NOMO1: variants seen among roughly 807,000 people sequenced by gnomAD.
NOMO1 encodes the protein nodal modulator 3.
A neutral mutation model predicts 133.8 loss-of-function variants in NOMO1; 40 were observed. The observed-to-expected ratio is 0.30, with a 90% CI of 0.23 to 0.39. The LOEUF is 0.39. Ranked by LOEUF, NOMO1 falls within the 10% of genes least tolerant of loss-of-function variation. NOMO1 has a pLI of 1.00. For missense variants in NOMO1, 462 were observed against 1,419.9 expected (o/e 0.33, Z 10.84); for synonymous variants, 236 against 570.5 (o/e 0.41, Z 8.36).
rs528598451 is a variant in NOMO1, at chr16:14,859,091, C to G, written c.1220+1436C>G. Among the ~76,000 whole-genome samples the G allele has an allele frequency of 1.8e-4, 28 of 152,018 alleles. 1 individual carries two copies. The South Asian group carries it at 3.7e-3, about 20-fold the overall frequency. On this transcript the variant is annotated intron_variant, in intron 11 of 30. Coordinates refer to ENST00000287667, the MANE Select transcript of NOMO1 (RefSeq NM_014287.4). ...AGCCAGGACCTCAAATATGTATGTG[C>G]AAGTAGAATTAGAAGAACAGTAGGC...
rs565062249 is a variant in NOMO1 at position 14,866,931 on chromosome 16, C to T, written c.1806+240C>T. Among the ~76,000 whole-genome samples the T allele has an allele frequency of 5.0e-3, 740 of 148,822 alleles. 10 individuals carry two copies. Among genetic ancestry groups the T allele is most frequent in the African/African-American group, 0.017 (664 of 39,170 alleles). On this transcript the variant is annotated intron_variant, in intron 15 of 30. Transcript: ENST00000287667. ...CCTACACTAAATCTGACTGGTGATT[C>T]GGGGTGACCTTTGGTACAGTGCAGA...
At chr16:14,842,081 T>C (rs1175597525) in intron 3 of NOMO1, among the ~76,000 whole-genome samples, 10 of 151,986 alleles carry the variant, frequency 6.6e-5, no homozygotes, top group Admixed American at 1.3e-4. Context: ...CAAACTTTCC[T>C]CATATAACTG....
rs745415475 is a variant in NOMO1, at chr16:14,866,656, A to G, written c.1771A>G (p.Met591Val). The change falls in exon 15 of 31, where the codon ATG becomes GTG. Residue 591 changes from methionine to valine, a missense_variant. Coordinates refer to ENST00000287667, the MANE Select transcript of NOMO1 (RefSeq NM_014287.4). ...AGTTGAGTTCAGGCAGACGGGCTAC[A>G]TGCTGAGATGTTCCCTGTCTCACGC... ...SAVEFRQTGY[M>V]LRCSLSHAIT... 15 of 1,610,018 alleles carry G rather than the reference A, an allele frequency of 9.3e-6. No individual in the cohort carries two copies. The highest frequency in any genetic ancestry group is 2.7e-5 in the African/African-American group (2 of 73,602).
At chr16:14,865,339 C>T (rs1963978811) in intron 14 of NOMO1, among the ~76,000 whole-genome samples, 184 bp downstream of exon 14, 1 of 145,738 alleles carries the variant, frequency 6.9e-6, no homozygotes, top group African/African-American at 2.6e-5. Flanking sequence ...AGGCCCTGAG[C>T]TGACCGCCAG....
At chr16:14,854,912 CA>C (rs1335277338) in intron 9 of NOMO1, among the ~76,000 whole-genome samples, 1 of 145,014 alleles carries the variant, frequency 6.9e-6, no homozygotes, top group Non-Finnish European at 1.5e-5. Flanking sequence ...ACGGCACGTG[CA>C]AAGGTCCTGA....
rs1963965123 is a variant in NOMO1 at position 14,864,624 on chromosome 16, T to A, written c.1435T>A (p.Leu479Met). The change falls in exon 13 of 31, where the codon TTG (leucine) becomes ATG (methionine). Residue 479 changes from leucine to methionine, a missense_variant. Physicochemically the swap from Leu to Met is conservative, Grantham distance 15 (BLOSUM62 2). Transcript: ENST00000287667. ...PEAETRAGLT[L>M]KPQTFPLTVT... ...GGCAGAAACCAGAGCAGGGCTGACG[T>A]TGAAACCCCAGACATTTCCTCTTAC... 3 of 1,613,218 alleles carry A rather than the reference T, an allele frequency of 1.9e-6. No individual in the cohort carries two copies. Among genetic ancestry groups the A allele is most frequent in the Non-Finnish European group, 2.5e-6 (3 of 1,179,822 alleles).
chr16:14,871,478 A>C, intron 16 of NOMO1, 143 bp from the exon 17 acceptor site: 1 of 1,157,962 alleles, frequency 8.6e-7, no homozygotes, highest in Non-Finnish European at 1.2e-6. Context: ...ATGCCTGCCC[A>C]GTATTTCTGA....
chr16:14,850,690 G>A (rs970546029), intron 6 of NOMO1, among the ~76,000 whole-genome samples: 3 of 151,562 alleles, frequency 2.0e-5, no homozygotes, highest in South Asian at 2.1e-4. Flanking sequence ...TAGGTTTTAC[G>A]CACTTATAAT....
In NOMO1 at chr16:14,837,306, G is replaced by A. The variant is rs980779282; in HGVS notation, c.166-1101G>A. ...TTACAGGCATGAGCCACCATGCCTG[G>A]CCGCAAACTGATTTTTCTTTGAATC... is the stretch of plus-strand genomic sequence containing the variant. On this transcript the variant is annotated intron_variant, in intron 1 of 30. Transcript: ENST00000287667. Among the ~76,000 whole-genome samples, 50 of 152,098 alleles carry A rather than the reference G, an allele frequency of 3.3e-4. 1 individual carries two copies. The highest frequency in any genetic ancestry group is 3.2e-3 in the Middle Eastern group (1 of 316).
At chr16:14,856,376 C>A (rs1352721241) in intron 9 of NOMO1, among the ~76,000 whole-genome samples, 1 of 151,884 alleles carries the variant, frequency 6.6e-6, no homozygotes, top group Non-Finnish European at 1.5e-5. Flanking sequence ...GAGCATGGGA[C>A]CACGTGTGAG....
Position 14,876,529 on chromosome 16 carries a change from G to A in NOMO1, c.2516+11G>A. On this transcript the variant is annotated intron_variant, in intron 21 of 30. Transcript: ENST00000287667. ...CAAAGGTGCCTACAGGTGAGCCCGG[G>A]ATAGAGACACATGTGCCTGGGATCA... 6.2e-7 allele frequency: 1 copy of A among 1,611,562 alleles called. No homozygotes were observed. Among genetic ancestry groups the A allele is most frequent in the South Asian group, 1.1e-5 (1 of 90,954 alleles).
intron 27 of NOMO1, among the ~76,000 whole-genome samples, chr16:14,885,189 G>A (rs572101958): frequency 4.0e-4 from 61 of 152,180 alleles, no homozygotes; most frequent in Admixed American, 2.9e-3. Flanking sequence ...CCTCCGGCAC[G>A]GGGGATTACA....
chr16:14,894,975 G>C, intron 29 of NOMO1, 23 bp from the exon 30 acceptor site: 1 of 1,611,874 alleles, frequency 6.2e-7, no homozygotes, highest in Non-Finnish European at 8.5e-7. Context: ...GGTGAGGAGT[G>C]ATGGGGCTCT....
In NOMO1 at chr16:14,876,735, T is replaced by C. The variant is rs1964167438; in HGVS notation, c.2588T>C (p.Val863Ala). Reference protein sequence around the residue: ...SQKEGYVLTAVEGTIGDFKAY... With the variant: ...SQKEGYVLTAAEGTIGDFKAY... ...AAGGAGGGCTATGTTCTGACTGCGG[T>C]GGAAGGAACCATCGGAGACTTCAAG... Residue 863 changes from valine (V) to alanine (A), a missense_variant, in exon 22 of 31, where the codon GTG becomes GCG. By Grantham distance (64) the Val-to-Ala change is moderately conservative (BLOSUM62 0). Transcript: ENST00000287667. 1.2e-6 allele frequency: 2 copies of C among 1,610,662 alleles called. No homozygotes were observed. The highest frequency in any genetic ancestry group is 3.3e-5 in the Admixed American group (2 of 59,866).
Position 14,858,770 on chromosome 16 carries a change from A to G in NOMO1, c.1220+1115A>G, listed in dbSNP as rs376810384. On this transcript the variant is annotated intron_variant, in intron 11 of 30. Transcript: ENST00000287667. ...ACAAGCTTTGATCATTGTTTTCAAT[A>G]GGGCATTCTGAAAACAATGGCATGG... Among the ~76,000 whole-genome samples, 555 of 152,216 alleles carry G rather than the reference A, an allele frequency of 3.6e-3. 1 individual carries two copies. The highest frequency in any genetic ancestry group is 6.4e-3 in the Non-Finnish European group (437 of 68,018).
rs754039811 is a variant in NOMO1 at position 14,866,577 on chromosome 16, G to C, written c.1692G>C (p.Trp564Cys). ...CAGTAAGCATCATGCATGAGGATTG[G>C]TGCTGGAAGAACAAGAGCCTGGAGG... ...KYKISIMHED[W>C]CWKNKSLEVE... The change falls in exon 15 of 31, where the codon TGG becomes TGC. Residue 564 changes from tryptophan (W) to cysteine (C), a missense_variant. Trp to Cys is a radical substitution (Grantham distance 215). Coordinates refer to ENST00000287667, the MANE Select transcript of NOMO1 (RefSeq NM_014287.4). 2.5e-6 allele frequency: 4 copies of C among 1,610,038 alleles called. No individual in the cohort carries two copies. The Admixed American group carries it at 6.7e-5, about 27-fold the overall frequency.
chr16:14,867,890 G>T (rs1391787502), intron 15 of NOMO1, among the ~76,000 whole-genome samples: 1 of 131,846 alleles, frequency 7.6e-6, no homozygotes, highest in Non-Finnish European at 1.7e-5. Flanking sequence ...CTTGTAATAA[G>T]ATCCTTTTTT....
Position 14,850,253 on chromosome 16 carries a change from T to C in NOMO1, c.582+1282T>C, listed in dbSNP as rs528431727. Among the ~76,000 whole-genome samples the C allele has an allele frequency of 3.9e-3, 589 of 151,074 alleles. 12 individuals carry two copies. The highest frequency in any genetic ancestry group is 0.014 in the African/African-American group (569 of 40,956). ...GCCCAGTTAATTTTTGTATTTTTAG[T>C]AGGGACAGGGAGGATACAGTCTTAT... On this transcript the variant is annotated intron_variant, in intron 6 of 30. Coordinates refer to ENST00000287667, the MANE Select transcript of NOMO1 (RefSeq NM_014287.4).
At position 14,857,303 on chromosome 16, in the gene NOMO1, C is replaced by T; in HGVS notation, c.1050C>T (p.Thr350=). Residue 350 remains threonine (T), a synonymous_variant, in exon 10 of 31, where the codon ACC becomes ACT. Transcript: ENST00000287667. ...ATGGTGTTCCAGAAGCAGTAGTCACCCTGAATAACCAAATCAAAGGTGGGC... is the reference window on the plus strand; with the variant it reads ...ATGGTGTTCCAGAAGCAGTAGTCACTCTGAATAACCAAATCAAAGGTGGGC... ...EGDGVPEAVV[T]LNNQIKVKTK... is the part of the protein sequence containing the mutation. 6.3e-7 allele frequency: 1 copy of T among 1,591,930 alleles called. No homozygotes were observed. Among genetic ancestry groups the T allele is most frequent in the Admixed American group, 1.7e-5 (1 of 59,292 alleles).
Sources: allele counts gnomAD v4.1 joint callset (sites outside exome capture counted in the v4.1 genomes callset), GRCh38; gene constraint gnomAD v4.1.1; transcripts MANE v1.5; gene names NCBI Gene and HGNC (gene_info 2026-07-23, HGNC 2026-07-21).